The following FBXO25 variants were observed in gnomAD, a reference collection of about 807,000 sequenced individuals.
FBXO25 encodes the protein F-box protein 25.
FBXO25 carries 45 observed loss-of-function variants against 51.9 expected under a neutral mutation model. That is an observed-to-expected ratio of 0.87 (90% CI 0.68 to 1.11). FBXO25 has a LOEUF of 1.11. Among genes scored for constraint, FBXO25 ranks in the 50% most tolerant of loss-of-function variants. The probability of loss-of-function intolerance (pLI) is 0.00; values close to 1 mark genes in which losing one functional copy is unlikely to be tolerated. For missense variants in FBXO25, 507 were observed against 428.5 expected, an observed-to-expected ratio of 1.18 and a Z score of -1.62; for synonymous variants, 199 against 151.0, an observed-to-expected ratio of 1.32 and a Z score of -2.33.
At position 476,322 on chromosome 8, in the gene FBXO25, G is replaced by A. The variant is rs1275874763; in HGVS notation, c.*7518G>A. On this transcript the variant is annotated 3_prime_UTR_variant, in exon 10 of 10. Coordinates refer to ENST00000350302, the MANE Select transcript of FBXO25 (RefSeq NM_183420.2). ...ATCTTGATCAGGAATACTGATGTGT[G>A]GTGTTTTTTTCTTATAGTGTCTTTG... 1 of 148,094 alleles carries A rather than the reference G, an allele frequency of 6.8e-6. No homozygotes were observed. The highest frequency in any genetic ancestry group is 2.6e-5 in the African/African-American group (1 of 38,790). 9.2% of individuals were successfully genotyped at this position (148,094 alleles called of 1,614,324 possible).
intron 2 of FBXO25, among the ~76,000 whole-genome samples, chr8:430,781 G>C (rs560945265): frequency 2.0e-5 from 3 of 152,188 alleles, no homozygotes; most frequent in South Asian, 2.1e-4. Flanking sequence ...AAGAAGAAAA[G>C]CTTTTAATTA....
chr8:439,414 C>A (rs565269429), intron 5 of FBXO25, among the ~76,000 whole-genome samples: 4 of 152,304 alleles, frequency 2.6e-5, no homozygotes, highest in Admixed American at 1.3e-4. Flanking sequence ...GTACACACAT[C>A]TGTAGGAAAA....
chr8:456,910 G>A (rs768653620), intron 7 of FBXO25, among the ~76,000 whole-genome samples: 31 of 152,272 alleles, frequency 2.0e-4, no homozygotes, highest in Admixed American at 1.7e-3. Context: ...CAAGGCACGG[G>A]TGCCCCAGTC....
rs981459888 is a variant in FBXO25, at chr8:471,448, T to A, written c.*2644T>A. 2 of 152,214 alleles carry A rather than the reference T, an allele frequency of 1.3e-5. No individual in the cohort carries two copies. Among genetic ancestry groups the A allele is most frequent in the African/African-American group, 4.8e-5 (2 of 41,438 alleles). 9.4% of individuals were successfully genotyped at this position (152,214 alleles called of 1,614,324 possible). ...TTTCTATCAGGGGGCCTTCCAAAAG[T>A]AGGGATGCCACTCCTGTGAGATTAA... On this transcript the variant is annotated 3_prime_UTR_variant, in exon 10 of 10. Transcript: ENST00000350302.
chr8:424,225 G>GT (rs962348913), intron 2 of FBXO25, among the ~76,000 whole-genome samples: 3 of 148,910 alleles, frequency 2.0e-5, no homozygotes, highest in Admixed American at 6.8e-5. Flanking sequence ...GGGGTTGTTT[G>GT]TTTTTTTGCA....
In FBXO25 at chr8:435,716, T is replaced by G; in HGVS notation, c.381+9T>G. ...TCAATTATGTGGTCAAAGTAAGTGT[T>G]CTATTTCAAAAACTACTTTGATGAC... On this transcript the variant is annotated intron_variant, in intron 5 of 9. Transcript: ENST00000350302. 1 of 1,567,496 alleles carries G rather than the reference T, an allele frequency of 6.4e-7. No homozygotes were observed. The highest frequency in any genetic ancestry group is 8.6e-7 in the Non-Finnish European group (1 of 1,159,992).
Position 464,476 on chromosome 8 carries a change from T to C in FBXO25, c.987+1326T>C, listed in dbSNP as rs190535624. 7.1e-3 allele frequency among the ~76,000 whole-genome samples: 1,078 copies of C among 152,352 alleles called. 15 individuals are homozygous for C. Among genetic ancestry groups the C allele is most frequent in the African/African-American group, 0.024 (995 of 41,576 alleles). On this transcript the variant is annotated intron_variant, in intron 9 of 9. Coordinates refer to ENST00000350302, the MANE Select transcript of FBXO25 (RefSeq NM_183420.2). ...TCCCTGGTCTAGATGAGGCCCTGCCTCTTGCAAGAGTGGGCTGTCTCTGCC... is the reference window on the plus strand; with the variant it reads ...TCCCTGGTCTAGATGAGGCCCTGCCCCTTGCAAGAGTGGGCTGTCTCTGCC...
At chr8:467,062 T>C (rs1800211490) in intron 9 of FBXO25, among the ~76,000 whole-genome samples, 1 of 152,116 alleles carries the variant, frequency 6.6e-6, no homozygotes, top group South Asian at 2.1e-4. Flanking sequence ...AGGAGCAAAG[T>C]TGGAGCCAGA....
intron 8 of FBXO25, among the ~76,000 whole-genome samples, chr8:458,917 C>G (rs528229355): frequency 1.3e-5 from 2 of 152,256 alleles, no homozygotes; most frequent in South Asian, 2.1e-4. Context: ...CTTGAAAAGT[C>G]AGGTGCCCTC....
chr8:461,916 T>C (rs1799843188), intron 8 of FBXO25, among the ~76,000 whole-genome samples: 1 of 152,266 alleles, frequency 6.6e-6, no homozygotes, highest in South Asian at 2.1e-4. Flanking sequence ...ACATTTAGTT[T>C]GTTTGATAAA....
chr8:437,218 T>TATA (rs1250166769), intron 5 of FBXO25, among the ~76,000 whole-genome samples: 5 of 152,204 alleles, frequency 3.3e-5, no homozygotes, highest in Non-Finnish European at 5.9e-5. Context: ...GTCTAATACA[T>TATA]ATAAATGCAT....
chr8:424,354 G>A (rs1464147312), intron 2 of FBXO25, among the ~76,000 whole-genome samples: 3 of 152,064 alleles, frequency 2.0e-5, no homozygotes, highest in Non-Finnish European at 4.4e-5. Context: ...CTGTGCAGAA[G>A]CTCTTTCATT....
At chr8:463,518 C>T (rs1258424329) in intron 9 of FBXO25, among the ~76,000 whole-genome samples, 1 of 152,210 alleles carries the variant, frequency 6.6e-6, no homozygotes, top group Non-Finnish European at 1.5e-5. Flanking sequence ...GTGCACCTTC[C>T]TCGTTTCCCC....
At chr8:432,344 T>G (rs1021389088) in intron 3 of FBXO25, among the ~76,000 whole-genome samples, 1 of 152,170 alleles carries the variant, frequency 6.6e-6, no homozygotes, top group South Asian at 2.1e-4. Flanking sequence ...TTAAAACTTA[T>G]GAATGGTTTA....
rs903175520 is a variant in FBXO25, at chr8:443,362, A to G, written c.382-6628A>G. On this transcript the variant is annotated intron_variant, in intron 5 of 9. Transcript: ENST00000350302. ...CTTTAATTCTCACCATATTTATCCT[A>G]CCAACAAGATAATTTGTAGAGTATG... Among the ~76,000 whole-genome samples, 7 of 151,110 alleles carry G rather than the reference A, an allele frequency of 4.6e-5. 1 individual carries two copies. The highest frequency in any genetic ancestry group is 1.7e-4 in the African/African-American group (7 of 40,752).
intron 8 of FBXO25, among the ~76,000 whole-genome samples, chr8:462,163 A>G (rs1040846430): frequency 6.6e-6 from 1 of 152,042 alleles, no homozygotes; most frequent in Non-Finnish European, 1.5e-5. Flanking sequence ...GCTTCTCATT[A>G]TTTCACTTTT....
At chr8:449,628 C>G (rs182161256) in intron 5 of FBXO25, among the ~76,000 whole-genome samples, 9 of 152,322 alleles carry the variant, frequency 5.9e-5, no homozygotes, top group Admixed American at 4.6e-4. Context: ...TAGTGCCCAA[C>G]CATTCATTCT....
In FBXO25 at chr8:473,742, C is replaced by CGTGT. The variant is rs1800557064; in HGVS notation, c.*4938_*4939insGTGT. The stretch of plus-strand genomic sequence containing the variant: ...GTTTCTTTGAAATGCTCTTGTTCTT[C>CGTGT]CTAAGTAAGGGAGAGCAAAAAAAAT... On this transcript the variant is annotated 3_prime_UTR_variant, in exon 10 of 10. Transcript: ENST00000350302. The CGTGT allele has an allele frequency of 1.0e-5, 1 of 98,014 alleles. No individual in the cohort carries two copies. The highest frequency in any genetic ancestry group is 4.3e-5 in the African/African-American group (1 of 23,032). 6.1% of individuals were successfully genotyped at this position (98,014 alleles called of 1,614,324 possible). A position where few individuals can be genotyped will look rare whatever the true frequency, so the allele number is the denominator to read the frequency against.
intron 9 of FBXO25, among the ~76,000 whole-genome samples, chr8:465,171 C>T (rs1287699346): frequency 6.6e-6 from 1 of 151,364 alleles, no homozygotes; most frequent in Admixed American, 6.6e-5. Flanking sequence ...CCAGCTTTGA[C>T]ACCTGACCCT....
Sources: allele counts gnomAD v4.1 joint callset (sites outside exome capture counted in the v4.1 genomes callset), GRCh38; gene constraint gnomAD v4.1.1; transcripts MANE v1.5; gene names NCBI Gene and HGNC (gene_info 2026-07-23, HGNC 2026-07-21).